PTPRF: variants seen among roughly 807,000 people sequenced by gnomAD.
PTPRF encodes receptor-type tyrosine-protein phosphatase F.
Under a neutral mutation model 201.8 loss-of-function variants are expected in PTPRF, and 59 were observed. That is an observed-to-expected ratio of 0.29 (90% CI 0.24 to 0.36). PTPRF has a LOEUF of 0.36. Ranked by LOEUF, PTPRF falls within the 10% of genes least tolerant of loss-of-function variation. The pLI is 1.00. For synonymous variants in PTPRF, 1,088 were observed against 1,089.7 expected (o/e 1.00, Z 0.03); for missense variants, 2,132 against 2,690.5 (o/e 0.79, Z 4.59).
Position 43,597,978 on chromosome 1 carries a change from G to C in PTPRF, c.2044G>C (p.Val682Leu), listed in dbSNP as rs746021731. 1.6e-5 allele frequency: 25 copies of C among 1,549,716 alleles called. No individual in the cohort carries two copies. Among genetic ancestry groups the C allele is most frequent in the African/African-American group, 5.5e-5 (4 of 73,310 alleles). Residue 682 changes from valine to leucine, a missense_variant, in exon 12 of 34, where the codon GTG becomes CTG. Val to Leu is a conservative substitution (Grantham distance 32). Around this residue, in one of 6 missense-constraint regions of PTPRF, gnomAD observed 125 missense variants for 211.9 expected, o/e 0.59. Coordinates refer to ENST00000359947, the MANE Select transcript of PTPRF (RefSeq NM_002840.5). ...CCTGGAGAAGTGGACGGAGTACCGG[G>C]TGTGGGTGCGGGCACACACAGACGT... ...VGLEKWTEYR[V>L]WVRAHTDVGP...
Position 43,592,547 on chromosome 1 carries a change from G to C in PTPRF, c.1759G>C (p.Asp587His). Residue 587 changes from aspartate (D) to histidine (H), a missense_variant, in exon 11 of 34, where the codon GAT becomes CAT. Physicochemically the swap from Asp to His is moderately conservative, Grantham distance 81. This residue lies in a region of PTPRF where 351 missense variants were observed against 401.7 expected (regional missense o/e 0.87). Coordinates refer to ENST00000359947, the MANE Select transcript of PTPRF (RefSeq NM_002840.5). ...CCGCTTCCAGCTGGCTGCACGCTCG[G>C]ATATGGGGGTGGGCGTCTTCACCCC... ...LYRFQLAARS[D>H]MGVGVFTPTI... The C allele has an allele frequency of 6.2e-7, 1 of 1,611,382 alleles. No individual in the cohort carries two copies. Among genetic ancestry groups the C allele is most frequent in the Non-Finnish European group, 8.5e-7 (1 of 1,179,200 alleles).
chr1:43,618,990 C>T, intron 26 of PTPRF, 58 bp from the exon 27 acceptor site: 1 of 1,577,700 alleles, frequency 6.3e-7, no homozygotes, highest in South Asian at 1.2e-5. Flanking sequence ...GTCATTCAGT[C>T]CTGAGTCTAT....
At chr1:43,576,583 A>G (rs991535986) in intron 6 of PTPRF, among the ~76,000 whole-genome samples, 1 of 152,238 alleles carries the variant, frequency 6.6e-6, no homozygotes, top group Non-Finnish European at 1.5e-5. Context: ...AGTTAAAAGC[A>G]CAGATTCTGG....
At chr1:43,619,947 C>T in intron 29 of PTPRF, 89 bp downstream of exon 29, 1 of 1,564,290 alleles carries the variant, frequency 6.4e-7, no homozygotes, top group Non-Finnish European at 8.7e-7. Flanking sequence ...GTAGGGCCAG[C>T]CTAGAAGACC....
In PTPRF at chr1:43,592,465, G is replaced by A. The variant is rs753139083; in HGVS notation, c.1677G>A (p.Val559=). The change falls in exon 11 of 34, where the codon GTG becomes GTA. Residue 559 remains valine, a synonymous_variant. Transcript: ENST00000359947. The part of the protein sequence containing the change: ...AAEDEDQQHK[V]TFDPTSSYTL... Reference sequence around the variant, plus strand: ...CTCCCTGCTCTTCCCAGCACAAGGTGACCTTCGACCCAACCTCCTCCTACA... The same window carrying A: ...CTCCCTGCTCTTCCCAGCACAAGGTAACCTTCGACCCAACCTCCTCCTACA... The A allele has an allele frequency of 1.2e-6, 2 of 1,608,880 alleles. No individual in the cohort carries two copies. The highest frequency in any genetic ancestry group is 8.5e-7 in the Non-Finnish European group (1 of 1,177,508).
At chr1:43,612,926 T>TC in intron 22 of PTPRF, 5 of 827,450 alleles carry the variant, frequency 6.0e-6, no homozygotes, top group Non-Finnish European at 8.9e-6. Flanking sequence ...CCCTTTCTTC[T>TC]CCCCCAATCC....
intron 22 of PTPRF, among the ~76,000 whole-genome samples, chr1:43,609,996 G>A (rs548396770): frequency 3.3e-5 from 5 of 152,232 alleles, no homozygotes; most frequent in South Asian, 4.1e-4. Context: ...CACTCTCATG[G>A]GGCTGTCCAC....
At position 43,553,366 on chromosome 1, in the gene PTPRF, C is replaced by A; in HGVS notation, c.92-126C>A. 9.1e-7 allele frequency: 1 copy of A among 1,093,062 alleles called. No homozygotes were observed. Among genetic ancestry groups the A allele is most frequent in the Non-Finnish European group, 1.3e-6 (1 of 748,094 alleles). The allele number at this position is 1,093,062 out of a possible 1,614,324, so 67.7% of individuals were successfully genotyped here. ...AGTGCCTGGCACATACTAAGCGCTA[C>A]ATAAAGGTGAGGTGTCCTTGTTTTC... On this transcript the variant is annotated intron_variant, in intron 3 of 33. Coordinates refer to ENST00000359947, the MANE Select transcript of PTPRF (RefSeq NM_002840.5). The surrounding 1 kb of genome is among the most constrained non-coding windows in gnomAD (Gnocchi z 4.1).
intron 5 of PTPRF, among the ~76,000 whole-genome samples, chr1:43,561,937 T>C (rs536747537): frequency 3.9e-5 from 6 of 152,232 alleles, no homozygotes; most frequent in African/African-American, 1.4e-4. Context: ...TACTCACAGG[T>C]ACTTGTAAGG....
At chr1:43,604,246 G>T (rs1654500726) in intron 16 of PTPRF, 57 bp downstream of exon 16, 2 of 1,557,970 alleles carry the variant, frequency 1.3e-6, no homozygotes, top group South Asian at 1.2e-5. Context: ...GGGGGTCTCT[G>T]CTCTCCTTGA....
At chr1:43,555,436 A>G (rs1259796769) in intron 5 of PTPRF, among the ~76,000 whole-genome samples, 2 of 143,536 alleles carry the variant, frequency 1.4e-5, no homozygotes, top group East Asian at 2.0e-4. Context: ...CTTCTGTATC[A>G]TTATTCTTTT....
At chr1:43,552,104 C>A (rs1341894872) in intron 3 of PTPRF, among the ~76,000 whole-genome samples, 1 of 94,092 alleles carries the variant, frequency 1.1e-5, no homozygotes, top group Non-Finnish European at 2.2e-5. Context: ...TATCTGTCTT[C>A]AAGAAAAAAA....
intron 23 of PTPRF, among the ~76,000 whole-genome samples, chr1:43,617,163 G>T (rs1658071665): frequency 6.6e-6 from 1 of 152,068 alleles, no homozygotes; most frequent in Non-Finnish European, 1.5e-5. Context: ...TGAGTGCAGG[G>T]CTTCGAGAGA....
At chr1:43,545,924 C>T (rs764827215) in intron 3 of PTPRF, among the ~76,000 whole-genome samples, 36 of 152,218 alleles carry the variant, frequency 2.4e-4, no homozygotes, top group Non-Finnish European at 4.9e-4. Context: ...CCCGCCCCAT[C>T]GCCATGGTTA....
rs77543816 is a variant in PTPRF, at chr1:43,573,977, C to CTTTTTTTTT, written c.568+4227_568+4235dup. Among the ~76,000 whole-genome samples the CTTTTTTTTT allele has an allele frequency of 1.5e-3, 94 of 63,912 alleles. 13 individuals carry two copies. The highest frequency in any genetic ancestry group is 1.9e-3 in the Non-Finnish European group (70 of 37,262). 41.9% of individuals were successfully genotyped at this position (63,912 alleles called of 152,430 possible). A position where few individuals can be genotyped will look rare whatever the true frequency, so the allele number is the denominator to read the frequency against. On this transcript the variant is annotated intron_variant, in intron 6 of 33. Coordinates refer to ENST00000359947, the MANE Select transcript of PTPRF (RefSeq NM_002840.5). The stretch of plus-strand genomic sequence containing the variant: ...CAAAGAGGGTTTGCTTGTGTGGGTT[C>CTTTTTTTTT]TTTTTTTTTTTTTTTTTTTTTTTTT...
chr1:43,593,092 C>G (rs539216429), intron 11 of PTPRF, among the ~76,000 whole-genome samples: 1 of 152,254 alleles, frequency 6.6e-6, no homozygotes, highest in Non-Finnish European at 1.5e-5. Flanking sequence ...GCTGACTGCA[C>G]TCGGGGACAG....
chr1:43,570,287 G>A (rs1646479899), intron 6 of PTPRF, among the ~76,000 whole-genome samples: 2 of 152,192 alleles, frequency 1.3e-5, no homozygotes, highest in African/African-American at 2.4e-5. Flanking sequence ...TGTCTCCGTC[G>A]AGCCAGCTCG....
chr1:43,611,360 G>C (rs1557852487), intron 22 of PTPRF, among the ~76,000 whole-genome samples: 1 of 152,220 alleles, frequency 6.6e-6, no homozygotes, highest in Non-Finnish European at 1.5e-5. Flanking sequence ...AAGAAGGATG[G>C]GAGAGAGCTC....
At chr1:43,531,263 C>T (rs900883837) in intron 1 of PTPRF, among the ~76,000 whole-genome samples, 173 bp downstream of exon 1, 2 of 149,308 alleles carry the variant, frequency 1.3e-5, no homozygotes, top group East Asian at 2.0e-4. Context: ...TCGGCGAAGC[C>T]CCCCCTCCAC....
Sources: gnomAD v4.1 joint callset for allele counts (sites outside exome capture counted in the v4.1 genomes callset) on GRCh38, gnomAD v4.1.1 for gene constraint, gnomAD v4.1.1 regional missense constraint, Gnocchi (gnomAD v3.1) non-coding constraint, MANE v1.5 for transcripts, NCBI Gene and HGNC (gene_info 2026-07-23, HGNC 2026-07-21) for gene names.